Variants in MUC5B observed in about 807,000 individuals in gnomAD.
MUC5B encodes mucin-5B.
MUC5B carries 116 observed loss-of-function variants against 376.9 expected under a neutral mutation model. The observed-to-expected ratio is 0.31, with a 90% CI of 0.26 to 0.36. The LOEUF is 0.36. Ranked by LOEUF, MUC5B falls within the 10% of genes least tolerant of loss-of-function variation. The pLI is 1.00. For synonymous variants in MUC5B, 3,517 were observed against 3,390.9 expected, an observed-to-expected ratio of 1.04 and a Z score of -1.29; for missense variants, 7,165 against 7,769.9, an observed-to-expected ratio of 0.92 and a Z score of 2.93.
At position 1,225,859 on chromosome 11, in the gene MUC5B, C is replaced by G. The variant is rs55699425; in HGVS notation, c.127+122C>G. ...GTCTGACAGAGACCCTCCCTGGGTC[C>G]CCTGCCCAGGACAATACCCAGCACC... is the stretch of plus-strand genomic sequence containing the variant. On this transcript the variant is annotated intron_variant, in intron 2 of 48. Coordinates refer to ENST00000529681, the MANE Select transcript of MUC5B (RefSeq NM_002458.3). The G allele has an allele frequency of 2.3e-4, 224 of 959,910 alleles. 6 individuals carry two copies. In the East Asian group the frequency reaches 3.5e-3, roughly 15 times the overall value. The allele number at this position is 959,910 out of a possible 1,614,324, so 59.5% of individuals were successfully genotyped here. A position where few individuals can be genotyped will look rare whatever the true frequency, so the allele number is the denominator to read the frequency against.
chr11:1,233,917 A>C, intron 19 of MUC5B, 69 bp downstream of exon 19: 7 of 1,453,414 alleles, frequency 4.8e-6, no homozygotes, highest in Non-Finnish European at 5.6e-6. Flanking sequence ...TGGCCCCAAC[A>C]CGCCCCACCC....
In MUC5B at chr11:1,228,593, G is replaced by A; in HGVS notation, c.804G>A (p.Gly268=). The A allele has an allele frequency of 1.3e-6, 2 of 1,530,452 alleles. No individual in the cohort carries two copies. The highest frequency in any genetic ancestry group is 1.2e-5 in the South Asian group (1 of 83,760). 94.8% of individuals were successfully genotyped at this position (1,530,452 alleles called of 1,614,324 possible). ...EEGICHRTLL[G]PAFAECHALV... is the part of the protein sequence containing the mutation. The stretch of plus-strand genomic sequence containing the variant: ...GCATCTGCCACCGCACCCTGCTGGG[G>A]CCGGCCTTTGCGGAGTGCCACGCAC... Residue 268 remains glycine, a synonymous_variant, in exon 8 of 49, where the codon GGG becomes GGA. Transcript: ENST00000529681.
chr11:1,259,097 C>G (rs766761946), intron 44 of MUC5B, 36 bp downstream of exon 44: 3 of 1,526,326 alleles, frequency 2.0e-6, no homozygotes, highest in South Asian at 2.4e-5. Flanking sequence ...GGTGAGCCCC[C>G]GAGGCACCTG....
In MUC5B at chr11:1,242,895, G is replaced by A; in HGVS notation, c.6015G>A (p.Met2005Ile). Residue 2005 changes from methionine (M) to isoleucine (I), a missense_variant, in exon 31 of 49, where the codon ATG becomes ATA. By Grantham distance (10) the Met-to-Ile change is conservative. This residue lies in a region of MUC5B where 897 missense variants were observed against 779.6 expected (regional missense o/e 1.15). Transcript: ENST00000529681. ...LSQTTTPTAT[M>I]STATPSSTPE... is the part of the protein sequence containing the mutation. ...AGACCACCACACCCACGGCCACCAT[G>A]TCCACAGCCACACCCTCCTCCACTC... The A allele has an allele frequency of 6.2e-7, 1 of 1,610,296 alleles. No homozygotes were observed. Among genetic ancestry groups the A allele is most frequent in the African/African-American group, 1.4e-5 (1 of 73,596 alleles).
In MUC5B at chr11:1,237,017, G is replaced by C. The variant is rs1862174440; in HGVS notation, c.3150G>C (p.Glu1050Asp). The C allele has an allele frequency of 6.3e-7, 1 of 1,578,202 alleles. No individual in the cohort carries two copies. Among genetic ancestry groups the C allele is most frequent in the African/African-American group, 1.4e-5 (1 of 73,606 alleles). Residue 1050 changes from glutamate (E) to aspartate (D), a missense_variant, in exon 25 of 49, where the codon GAG becomes GAC. By Grantham distance (45) the Glu-to-Asp change is conservative. Around this residue, in one of 31 missense-constraint regions of MUC5B, gnomAD observed 143 missense variants for 193.2 expected, o/e 0.74. Transcript: ENST00000529681. ...RSRSVVGDAL[E>D]FGNSWKLSPS... is the part of the protein sequence containing the mutation. ...GGTCCGTGGTGGGGGACGCACTGGA[G>C]TTTGGGAACAGCTGGAAGCTCTCCC...
In MUC5B at chr11:1,250,688, C is replaced by T. The variant is rs571669661; in HGVS notation, c.13808C>T (p.Ala4603Val). The change falls in exon 31 of 49, where the codon GCC becomes GTC. Residue 4603 changes from alanine to valine, a missense_variant. By Grantham distance (64) the Ala-to-Val change is moderately conservative (BLOSUM62 0). Transcript: ENST00000529681. ...VPTTTTTGFTATPSSSPGTAL... is the reference protein window; with the variant it reads ...VPTTTTTGFTVTPSSSPGTAL... ...ACTACCACAACCACGGGCTTCACAGCCACCCCCTCCTCCAGCCCAGGGACG... is the reference window on the plus strand; with the variant it reads ...ACTACCACAACCACGGGCTTCACAGTCACCCCCTCCTCCAGCCCAGGGACG... The T allele has an allele frequency of 4.3e-5, 69 of 1,612,972 alleles. No individual in the cohort carries two copies. In the African/African-American group the frequency reaches 4.8e-4, roughly 11 times the overall value.
chr11:1,257,152 T>C lies in MUC5B; in HGVS notation c.16238-88T>C, dbSNP rs1466681690. The C allele has an allele frequency of 3.9e-6, 3 of 772,846 alleles. No homozygotes were observed. The highest frequency in any genetic ancestry group is 7.2e-6 in the Non-Finnish European group (3 of 414,274). The allele number at this position is 772,846 out of a possible 1,614,324, so 47.9% of individuals were successfully genotyped here. ...CCTTCCATCCCGGGGGGAAGCAGGCTCCAGGCCTGAGAGCACCTCCCATGG... is the reference window on the plus strand; with the variant it reads ...CCTTCCATCCCGGGGGGAAGCAGGCCCCAGGCCTGAGAGCACCTCCCATGG... On this transcript the variant is annotated intron_variant, in intron 39 of 48. Transcript: ENST00000529681. This position sits in a 1 kb window ranked among gnomAD's most constrained non-coding sequence, Gnocchi z 8.9.
rs533711232 is a variant in MUC5B at position 1,243,414 on chromosome 11, C to A, written c.6534C>A (p.Pro2178=). ...TPAATSNTVT[P]SSALGTTHTP... is the part of the protein sequence containing the mutation. ...CAGCCACCAGCAACACAGTGACTCC[C>A]TCCTCTGCCCTAGGGACCACCCACA... Residue 2178 remains proline (P), a synonymous_variant, in exon 31 of 49, where the codon CCC becomes CCA. Coordinates refer to ENST00000529681, the MANE Select transcript of MUC5B (RefSeq NM_002458.3). 6.6e-7 allele frequency: 1 copy of A among 1,508,902 alleles called. No homozygotes were observed. Among genetic ancestry groups the A allele is most frequent in the Non-Finnish European group, 9.0e-7 (1 of 1,110,202 alleles). The allele number at this position is 1,508,902 out of a possible 1,614,324, so 93.5% of individuals were successfully genotyped here.
Position 1,227,450 on chromosome 11 carries a change from G to A in MUC5B, c.667+52G>A. ...GTGACCAATTATGTCGGCCAACGAA[G>A]AGCCACAGTCCCGGGGAGGCCGGGA... On this transcript the variant is annotated intron_variant, in intron 6 of 48. Coordinates refer to ENST00000529681, the MANE Select transcript of MUC5B (RefSeq NM_002458.3). 3.5e-6 allele frequency: 5 copies of A among 1,422,848 alleles called. No homozygotes were observed. In the South Asian group the frequency reaches 4.8e-5, roughly 14 times the overall value. The allele number at this position is 1,422,848 out of a possible 1,614,324, so 88.1% of individuals were successfully genotyped here. A position where few individuals can be genotyped will look rare whatever the true frequency, so the allele number is the denominator to read the frequency against.
chr11:1,242,174 CAG>C lies in MUC5B; in HGVS notation c.5298_5299del (p.Glu1766AspfsTer8). 6.2e-7 allele frequency: 1 copy of C among 1,613,576 alleles called. No homozygotes were observed. The stretch of plus-strand genomic sequence containing the variant: ...CAGGCCGAGACCAGCACGCCCAGGA[CAG>C]AGACGACAATGAGCCCCTTGACTAA... On this transcript the variant is annotated frameshift_variant, in exon 31 of 49. Coordinates refer to ENST00000529681, the MANE Select transcript of MUC5B (RefSeq NM_002458.3). LOFTEE classifies it high-confidence loss of function.
In MUC5B at chr11:1,256,787, T is replaced by C. The variant is rs753898452; in HGVS notation, c.16237+16T>C. On this transcript the variant is annotated intron_variant, in intron 39 of 48. Coordinates refer to ENST00000529681, the MANE Select transcript of MUC5B (RefSeq NM_002458.3). ...CAGGCCTGCCGTAAGCTCCGCCACCTGTGGCGGGATACGACCCTGGGCCCG... is the reference window on the plus strand; with the variant it reads ...CAGGCCTGCCGTAAGCTCCGCCACCCGTGGCGGGATACGACCCTGGGCCCG... The C allele has an allele frequency of 8.6e-6, 13 of 1,509,836 alleles. No individual in the cohort carries two copies. The highest frequency in any genetic ancestry group is 2.5e-5 in the East Asian group (1 of 39,424). The allele number at this position is 1,509,836 out of a possible 1,614,324, so 93.5% of individuals were successfully genotyped here.
intron 6 of MUC5B, 135 bp from the exon 7 acceptor site, chr11:1,227,540 G>A: frequency 1.4e-6 from 1 of 698,088 alleles, no homozygotes; most frequent in South Asian, 1.7e-5. Flanking sequence ...CTACATGGTG[G>A]GAGGAGTGCC....
Position 1,253,640 on chromosome 11 carries a change from T to C in MUC5B, c.15218-452T>C, listed in dbSNP as rs1007558285. ...CAGGGGATAGACTCCCTGCTGAGGG[T>C]CTGGGGAGGTCCTTCCTGCCTCTCC... On this transcript the variant is annotated intron_variant, in intron 33 of 48. Coordinates refer to ENST00000529681, the MANE Select transcript of MUC5B (RefSeq NM_002458.3). This position sits in a 1 kb window ranked among gnomAD's most constrained non-coding sequence, Gnocchi z 4.3. Among the ~76,000 whole-genome samples, 2 of 152,036 alleles carry C rather than the reference T, an allele frequency of 1.3e-5. No homozygotes were observed. The highest frequency in any genetic ancestry group is 1.3e-4 in the Admixed American group (2 of 15,280).
chr11:1,240,017 C>T, intron 28 of MUC5B, 28 bp from the exon 29 acceptor site: 1 of 1,588,910 alleles, frequency 6.3e-7, no homozygotes, highest in Non-Finnish European at 8.6e-7. Context: ...CCCCCCAGGC[C>T]CTCAGCTCGC....
intron 12 of MUC5B, 110 bp downstream of exon 12, chr11:1,230,710 C>T: frequency 5.7e-6 from 6 of 1,044,378 alleles, no homozygotes; most frequent in Non-Finnish European, 8.3e-6. Context: ...GTCCCCCCTC[C>T]AGCCCCCAGG....
At chr11:1,231,286 T>C in intron 13 of MUC5B, 137 bp from the exon 14 acceptor site, 1 of 1,109,656 alleles carries the variant, frequency 9.0e-7, no homozygotes, top group Middle Eastern at 2.1e-4. Flanking sequence ...ACAGGGAGCC[T>C]GAGGGCTCCT....
At position 1,232,069 on chromosome 11, in the gene MUC5B, C is replaced by A; in HGVS notation, c.1752C>A (p.Gly584=). The change falls in exon 15 of 49, where the codon GGC becomes GGA. Residue 584 remains glycine (G), a synonymous_variant. Coordinates refer to ENST00000529681, the MANE Select transcript of MUC5B (RefSeq NM_002458.3). ...TCAGCGGGGTGGTGGAGGCCACGGG[C>A]GCAGCCTTCGCCAACACCTGGAAGG... ...TALSGVVEAT[G]AAFANTWKAQ... 1.9e-6 allele frequency: 3 copies of A among 1,612,770 alleles called. No individual in the cohort carries two copies. Among genetic ancestry groups the A allele is most frequent in the East Asian group, 2.2e-5 (1 of 44,878 alleles).
In MUC5B at chr11:1,233,214, C is replaced by T; in HGVS notation, c.2267C>T (p.Ala756Val). ...CCCGCCCAGGAGTGCCCCTGCTACG[C>T]TCACGGCACCGTGCTGGCTCCTGGA... ...CVPAQECPCY[A>V]HGTVLAPGEV... The change falls in exon 18 of 49, where the codon GCT becomes GTT. Residue 756 changes from alanine to valine, a missense_variant. By Grantham distance (64) the Ala-to-Val change is moderately conservative (BLOSUM62 0). Transcript: ENST00000529681. The T allele has an allele frequency of 6.3e-7, 1 of 1,599,086 alleles. No homozygotes were observed. The highest frequency in any genetic ancestry group is 8.5e-7 in the Non-Finnish European group (1 of 1,176,316).
At position 1,239,914 on chromosome 11, in the gene MUC5B, G is replaced by T; in HGVS notation, c.3699G>T (p.Arg1233Ser). 1 of 1,613,318 alleles carries T rather than the reference G, an allele frequency of 6.2e-7. No homozygotes were observed. The highest frequency in any genetic ancestry group is 8.5e-7 in the Non-Finnish European group (1 of 1,179,724). The change falls in exon 28 of 49, where the codon AGG becomes AGT. Residue 1233 changes from arginine (R) to serine (S), a missense_variant. By Grantham distance (110) the Arg-to-Ser change is moderately radical. Coordinates refer to ENST00000529681, the MANE Select transcript of MUC5B (RefSeq NM_002458.3). ...GAAACTACTATGACGTCGGTGCAAGGGTCCCCACAGCGGAGAACTGCCAGA... is the reference window on the plus strand; with the variant it reads ...GAAACTACTATGACGTCGGTGCAAGTGTCCCCACAGCGGAGAACTGCCAGA... ...KDGNYYDVGARVPTAENCQSC... is the reference protein window; with the variant it reads ...KDGNYYDVGASVPTAENCQSC...
Sources: gnomAD v4.1 joint callset for allele counts (sites outside exome capture counted in the v4.1 genomes callset) on GRCh38, gnomAD v4.1.1 for gene constraint, gnomAD v4.1.1 regional missense constraint, Gnocchi (gnomAD v3.1) non-coding constraint, MANE v1.5 for transcripts, NCBI Gene and HGNC (gene_info 2026-07-23, HGNC 2026-07-21) for gene names.